The following KCNU1 variants were observed in gnomAD, a reference collection of about 807,000 sequenced individuals.
The protein encoded by KCNU1 is potassium channel subfamily U member 1.
A neutral mutation model predicts 126.8 loss-of-function variants in KCNU1; 93 were observed. The ratio of observed to expected loss-of-function variants is 0.73; its 90% CI spans 0.62 to 0.87. The LOEUF is 0.87. KCNU1 is among the 40% of genes least tolerant of loss of function. KCNU1 has a pLI of 0.00. For synonymous variants in KCNU1, 523 were observed against 494.2 expected (o/e 1.06, Z -0.77); for missense variants, 1,330 against 1,367.1 (o/e 0.97, Z 0.43).
intron 26 of KCNU1, among the ~76,000 whole-genome samples, chr8:36,934,362 G>C (rs1174735996): frequency 6.6e-6 from 1 of 151,912 alleles, no homozygotes; most frequent in Non-Finnish European, 1.5e-5. Context: ...GTCTACAGAC[G>C]ACTCTGATGG....
chr8:36,872,338 T>C (rs145256494), intron 19 of KCNU1, among the ~76,000 whole-genome samples: 3,120 of 152,280 alleles, frequency 0.02, 74 homozygotes, highest in Admixed American at 0.077. Context: ...GAGTCTTCTA[T>C]GTACATCCAA....
At chr8:36,796,592 A>G (rs1585382942) in intron 2 of KCNU1, among the ~76,000 whole-genome samples, 1 of 152,338 alleles carries the variant, frequency 6.6e-6, no homozygotes, top group East Asian at 1.9e-4. Flanking sequence ...TTTCATCAAT[A>G]TGAAATATCC....
At chr8:36,912,906 TG>T (rs1270748966) in intron 22 of KCNU1, among the ~76,000 whole-genome samples, 6 of 132,370 alleles carry the variant, frequency 4.5e-5, no homozygotes, top group African/African-American at 1.8e-4. Context: ...AGGCAGAAGC[TG>T]TAGTGAGCTA....
intron 12 of KCNU1, among the ~76,000 whole-genome samples, chr8:36,835,122 C>T (rs1309057302): frequency 6.6e-6 from 1 of 152,058 alleles, no homozygotes; most frequent in Non-Finnish European, 1.5e-5. Context: ...CTATAGTAGC[C>T]ATCTGAATTT....
In KCNU1 at chr8:36,814,294, A is replaced by T; in HGVS notation, c.820A>T (p.Thr274Ser). 1 of 1,613,088 alleles carries T rather than the reference A, an allele frequency of 6.2e-7. No individual in the cohort carries two copies. Among genetic ancestry groups the T allele is most frequent in the Non-Finnish European group, 8.5e-7 (1 of 1,179,352 alleles). The change falls in exon 8 of 27, where the codon ACG becomes TCG. Residue 274 changes from threonine to serine, a missense_variant. By Grantham distance (58) the Thr-to-Ser change is moderately conservative. This residue lies in a region of KCNU1 where 1,054 missense variants were observed against 1,053.9 expected (regional missense o/e 1.00). Transcript: ENST00000399881. ...FESIYLVMAT[T>S]STVGFGDVVA... ...GTCAATTTACCTGGTCATGGCAACA[A>T]CGTCAACCGTTGGATTTGGAGATGT...
At chr8:36,845,350 A>C (rs1283573777) in intron 16 of KCNU1, among the ~76,000 whole-genome samples, 1 of 152,192 alleles carries the variant, frequency 6.6e-6, no homozygotes, top group Non-Finnish European at 1.5e-5. Context: ...CTGTGTGTTC[A>C]GCTCACTGAT....
At chr8:36,821,738 T>C (rs954513780) in intron 10 of KCNU1, among the ~76,000 whole-genome samples, 1 of 152,188 alleles carries the variant, frequency 6.6e-6, no homozygotes, top group African/African-American at 2.4e-5. Flanking sequence ...TTTTTTACTT[T>C]ATGATGGTGC....
At chr8:36,864,556 T>A (rs1004420541) in intron 19 of KCNU1, 35 bp downstream of exon 19, 11 of 1,240,408 alleles carry the variant, frequency 8.9e-6, no homozygotes, top group East Asian at 2.3e-5. Flanking sequence ...CTCCTATAGT[T>A]TTTTTGAGAA....
intron 20 of KCNU1, among the ~76,000 whole-genome samples, chr8:36,909,010 T>A (rs1807751618): frequency 6.6e-6 from 1 of 152,190 alleles, no homozygotes; most frequent in African/African-American, 2.4e-5. Flanking sequence ...CTCCATTTGG[T>A]CTAATGATTT....
chr8:36,879,209 G>GTATATATATATATATATATA (rs1429299814), intron 19 of KCNU1, among the ~76,000 whole-genome samples: 38 of 86,632 alleles, frequency 4.4e-4, no homozygotes, highest in South Asian at 7.6e-4. Flanking sequence ...GTGTGTGTGT[G>GTATATATATATATATATATA]TGTATATATA....
chr8:36,878,704 C>T (rs1806358591), intron 19 of KCNU1, among the ~76,000 whole-genome samples: 1 of 151,316 alleles, frequency 6.6e-6, no homozygotes, highest in African/African-American at 2.4e-5. Context: ...AGCACAAGAA[C>T]AATAGTCATA....
chr8:36,891,960 T>A (rs1201942129), intron 19 of KCNU1, among the ~76,000 whole-genome samples: 2 of 152,130 alleles, frequency 1.3e-5, no homozygotes, highest in African/African-American at 4.8e-5. Context: ...ATTACTCTAC[T>A]TTAAACTTCC....
chr8:36,829,698 G>C (rs1165591715), intron 10 of KCNU1, among the ~76,000 whole-genome samples: 1 of 151,184 alleles, frequency 6.6e-6, no homozygotes, highest in African/African-American at 2.4e-5. Flanking sequence ...CTAATTGAAA[G>C]TTTAGATGCA....
chr8:36,817,067 T>A (rs918987787), intron 9 of KCNU1, among the ~76,000 whole-genome samples: 1 of 152,226 alleles, frequency 6.6e-6, no homozygotes, highest in Admixed American at 6.5e-5. Flanking sequence ...TAGTAATAGT[T>A]GCTCTTGTAC....
intron 19 of KCNU1, chr8:36,889,242 C>T (rs201758572): frequency 2.4e-4 from 126 of 534,318 alleles, no homozygotes; most frequent in Non-Finnish European, 1.5e-4. Context: ...GCTGAACTAC[C>T]GTAAGGATGG....
Position 36,834,867 on chromosome 8 carries a change from A to G in KCNU1, c.1294A>G (p.Arg432Gly). ...SHAEDISNIMRVLSIKNYDST... is the reference protein window; with the variant it reads ...SHAEDISNIMGVLSIKNYDST... ...TGCTGAAGATATTTCCAACATTATG[A>G]GGTAAGAAGCTGTGTTTTGTATGCT... The change falls in exon 12 of 27, where the codon AGG becomes GGG. Residue 432 changes from arginine to glycine, a missense_variant and splice_region_variant. By Grantham distance (125) the Arg-to-Gly change is moderately radical (BLOSUM62 -2). This residue lies in a region of KCNU1 where 1,054 missense variants were observed against 1,053.9 expected (regional missense o/e 1.00). Coordinates refer to ENST00000399881, the MANE Select transcript of KCNU1 (RefSeq NM_001031836.3). 1 of 1,601,484 alleles carries G rather than the reference A, an allele frequency of 6.2e-7. No homozygotes were observed. The highest frequency in any genetic ancestry group is 2.2e-5 in the East Asian group (1 of 44,648).
chr8:36,806,852 G>T (rs1317276721), intron 5 of KCNU1, among the ~76,000 whole-genome samples: 1 of 152,070 alleles, frequency 6.6e-6, no homozygotes, highest in African/African-American at 2.4e-5. Flanking sequence ...TAATTTTATT[G>T]TATGATTTAT....
At chr8:36,913,322 T>A (rs1302881615) in intron 22 of KCNU1, among the ~76,000 whole-genome samples, 2 of 150,636 alleles carry the variant, frequency 1.3e-5, no homozygotes, top group Non-Finnish European at 3.0e-5. Flanking sequence ...GGAAAAAAAA[T>A]TGGAAAGGCA....
intron 19 of KCNU1, among the ~76,000 whole-genome samples, chr8:36,892,592 T>C (rs1807011172): frequency 1.3e-5 from 2 of 150,672 alleles, no homozygotes; most frequent in South Asian, 4.2e-4. Flanking sequence ...ATATGACAAC[T>C]CTACAAACTA....
Sources: gnomAD v4.1 joint callset for allele counts (sites outside exome capture counted in the v4.1 genomes callset) on GRCh38, gnomAD v4.1.1 for gene constraint, gnomAD v4.1.1 regional missense constraint, MANE v1.5 for transcripts, NCBI Gene and HGNC (gene_info 2026-07-23, HGNC 2026-07-21) for gene names.